Variants in CRTAC1 observed in about 807,000 individuals in gnomAD.
CRTAC1 encodes the protein acidic secreted protein in cartilage.
CRTAC1 carries 37 observed loss-of-function variants against 67.8 expected under a neutral mutation model. That is an observed-to-expected ratio of 0.55 (90% CI 0.42 to 0.72). The LOEUF is 0.72. Ranked by LOEUF, CRTAC1 falls within the 30% of genes least tolerant of loss-of-function variation. The pLI, the probability that CRTAC1 is intolerant of heterozygous loss-of-function variation, is 0.00. For missense variants in CRTAC1, 780 were observed against 931.6 expected, an observed-to-expected ratio of 0.84 and a Z score of 2.12; for synonymous variants, 348 against 371.0, an observed-to-expected ratio of 0.94 and a Z score of 0.71.
intron 2 of CRTAC1, among the ~76,000 whole-genome samples, chr10:97,977,433 A>G (rs1201721845): frequency 1.3e-5 from 2 of 152,196 alleles, no homozygotes; most frequent in Non-Finnish European, 2.9e-5. Flanking sequence ...CCAATGGGGC[A>G]GGACACTGTG....
At chr10:97,922,023 A>C (rs2050847479) in intron 4 of CRTAC1, among the ~76,000 whole-genome samples, 1 of 151,278 alleles carries the variant, frequency 6.6e-6, no homozygotes, top group African/African-American at 2.4e-5. Flanking sequence ...CTCTCCCCCC[A>C]GTTCTCTGAG....
chr10:97,950,244 C>CAGAGAGAGAGAGAG (rs1291012749), intron 2 of CRTAC1, among the ~76,000 whole-genome samples: 6 of 112,128 alleles, frequency 5.4e-5, no homozygotes, highest in African/African-American at 1.6e-4. Context: ...CACACACACA[C>CAGAGAGAGAGAGAG]ACAGAGAGAG....
chr10:97,927,760 G>A (rs1416987200), intron 3 of CRTAC1, among the ~76,000 whole-genome samples: 1 of 152,250 alleles, frequency 6.6e-6, no homozygotes, highest in African/African-American at 2.4e-5. Context: ...GGGAGAGATG[G>A]GAGCCCGTGA....
intron 4 of CRTAC1, among the ~76,000 whole-genome samples, chr10:97,921,219 T>C (rs1454236839): frequency 6.6e-6 from 1 of 152,138 alleles, no homozygotes; most frequent in Admixed American, 6.5e-5. Context: ...CTGCTGCTGC[T>C]GGCCCAGAGG....
intron 3 of CRTAC1, among the ~76,000 whole-genome samples, chr10:97,925,603 C>T (rs139915418): frequency 6.8e-4 from 83 of 121,426 alleles, no homozygotes; most frequent in Middle Eastern, 9.6e-3. Context: ...AGTGTGAGAG[C>T]GGGGATGAGT....
Position 97,924,562 on chromosome 10 carries a change from A to G in CRTAC1, c.422-1162T>C, listed in dbSNP as rs1253543378. ...CCAGTGTTGGTTCTGCTTGGATTCT[A>G]CTTCTAGGCTCCAGACTCGAGGCAT... On this transcript the variant is annotated intron_variant, in intron 3 of 14. Transcript: ENST00000370597. 2.0e-5 allele frequency among the ~76,000 whole-genome samples: 3 copies of G among 152,032 alleles called. No individual in the cohort carries two copies. The East Asian group carries it at 5.8e-4, about 29-fold the overall frequency.
intron 8 of CRTAC1, 108 bp downstream of exon 8, chr10:97,901,395 C>A (rs894913459): frequency 4.4e-6 from 6 of 1,377,580 alleles, no homozygotes; most frequent in Non-Finnish European, 6.0e-6. Context: ...TTGGCCTGAC[C>A]CCCTGGCCCT....
intron 2 of CRTAC1, among the ~76,000 whole-genome samples, chr10:97,979,371 G>C (rs543507911): frequency 2.0e-5 from 3 of 152,170 alleles, no homozygotes; most frequent in African/African-American, 7.2e-5. Flanking sequence ...GAACCACCGT[G>C]GGGAAGGAAC....
At chr10:97,971,505 G>A (rs1590251008) in intron 2 of CRTAC1, among the ~76,000 whole-genome samples, 1 of 152,232 alleles carries the variant, frequency 6.6e-6, no homozygotes, top group South Asian at 2.1e-4. Context: ...CCGGCGCGAG[G>A]AGAGAATGGG....
chr10:97,932,832 G>A (rs979258835), intron 3 of CRTAC1, among the ~76,000 whole-genome samples: 2 of 152,172 alleles, frequency 1.3e-5, no homozygotes, highest in African/African-American at 4.8e-5. Context: ...TTTTAGATGA[G>A]GGAGTTGAGG....
chr10:97,915,461 G>A (rs889575343), intron 5 of CRTAC1, among the ~76,000 whole-genome samples: 13 of 152,222 alleles, frequency 8.5e-5, no homozygotes, highest in Non-Finnish European at 1.6e-4. Context: ...AGCTCCCTGA[G>A]TGCACATCTG....
intron 14 of CRTAC1, among the ~76,000 whole-genome samples, chr10:97,877,906 C>T (rs935697484): frequency 6.6e-6 from 1 of 152,190 alleles, no homozygotes; most frequent in Non-Finnish European, 1.5e-5. Flanking sequence ...TTGTCTTGTC[C>T]CTTATTTCTT....
intron 2 of CRTAC1, among the ~76,000 whole-genome samples, chr10:97,947,584 G>T (rs2051284761): frequency 6.6e-6 from 1 of 152,216 alleles, no homozygotes; most frequent in Non-Finnish European, 1.5e-5. Flanking sequence ...TCCGTGAAAA[G>T]CCTGTATATG....
At chr10:97,987,828 A>C (rs1361720336) in intron 2 of CRTAC1, among the ~76,000 whole-genome samples, 2 of 151,836 alleles carry the variant, frequency 1.3e-5, no homozygotes, top group Non-Finnish European at 2.9e-5. Flanking sequence ...TCTGCTCAGC[A>C]CTCTTCCATC....
chr10:97,906,887 C>T (rs373939902), intron 6 of CRTAC1, among the ~76,000 whole-genome samples: 34 of 152,132 alleles, frequency 2.2e-4, no homozygotes, highest in African/African-American at 7.2e-4. Context: ...TGCAGGGATT[C>T]GATGTGAACT....
chr10:97,905,037 G>A (rs139787255), intron 6 of CRTAC1, among the ~76,000 whole-genome samples: 38 of 152,162 alleles, frequency 2.5e-4, no homozygotes, highest in African/African-American at 8.4e-4. Context: ...TGTTCAAGCT[G>A]TGTTTGCCCA....
Position 97,963,016 on chromosome 10 carries a change from G to A in CRTAC1, c.225-26650C>T, listed in dbSNP as rs530299212. On this transcript the variant is annotated intron_variant, in intron 2 of 14. Coordinates refer to ENST00000370597, the MANE Select transcript of CRTAC1 (RefSeq NM_018058.7). ...AAAGGTTCCAAAATTACAGCCAGGC[G>A]ACACAACAGCAGCTCCTCCTCTCCC... 5.9e-4 allele frequency among the ~76,000 whole-genome samples: 89 copies of A among 152,128 alleles called. 1 individual carries two copies. Among genetic ancestry groups the A allele is most frequent in the Admixed American group, 1.4e-3 (22 of 15,284 alleles).
At position 97,908,051 on chromosome 10, in the gene CRTAC1, C is replaced by A. The variant is rs775016793; in HGVS notation, c.812G>T (p.Arg271Leu). The part of the protein sequence containing the change: ...ENGPNFLFHN[R>L]GDGTFVDAAA... Reference sequence around the variant, plus strand: ...AGCGTCCACAAAGGTGCCATCGCCCCGGTTGTGGAAAAGGAAGTTAGGCCC... The same window carrying A: ...AGCGTCCACAAAGGTGCCATCGCCCAGGTTGTGGAAAAGGAAGTTAGGCCC... The change falls in exon 6 of 15, where the codon CGG becomes CTG. Residue 271 changes from arginine (R) to leucine (L), a missense_variant. Transcript: ENST00000370597. 9.3e-6 allele frequency: 15 copies of A among 1,614,050 alleles called. No homozygotes were observed. In the East Asian group the frequency reaches 3.1e-4, roughly 34 times the overall value.
Position 97,896,965 on chromosome 10 carries a change from G to T in CRTAC1, c.1160C>A (p.Pro387His). 1 of 1,560,110 alleles carries T rather than the reference G, an allele frequency of 6.4e-7. No individual in the cohort carries two copies. Residue 387 changes from proline (P) to histidine (H), a missense_variant, in exon 9 of 15, where the codon CCC (proline) becomes CAC (histidine). By Grantham distance (77) the Pro-to-His change is moderately conservative. Transcript: ENST00000370597. ...FRVIRREHGD[P>H]LIEELNPGDA... The stretch of plus-strand genomic sequence containing the variant: ...GCCGGGATTGAGCTCCTCGATGAGG[G>T]GGTCTCCGTGCTCTCTACGGATGAC...
Sources: allele counts gnomAD v4.1 joint callset (sites outside exome capture counted in the v4.1 genomes callset), GRCh38; gene constraint gnomAD v4.1.1; transcripts MANE v1.5; gene names NCBI Gene and HGNC (gene_info 2026-07-23, HGNC 2026-07-21).